ZNF385D: variants seen among roughly 807,000 people sequenced by gnomAD.
ZNF385D encodes the protein zinc finger protein 385D, also known as zinc finger protein 659.
ZNF385D carries 15 observed loss-of-function variants against 35.8 expected under a neutral mutation model. The observed-to-expected ratio is 0.42, with a 90% confidence interval of 0.28 to 0.64. The LOEUF is 0.64. ZNF385D is among the 30% of genes least tolerant of loss of function. The pLI is 0.23. For missense variants in ZNF385D, 474 were observed against 494.6 expected, an observed-to-expected ratio of 0.96 and a Z score of 0.39; for synonymous variants, 212 against 186.8, an observed-to-expected ratio of 1.13 and a Z score of -1.10.
intron 3 of ZNF385D, among the ~76,000 whole-genome samples, chr3:21,998,550 G>A (rs191755417): frequency 3.9e-5 from 6 of 152,262 alleles, no homozygotes; most frequent in African/African-American, 1.2e-4. Context: ...GGAATTTCTT[G>A]TTGCAGATAT....
intron 3 of ZNF385D, among the ~76,000 whole-genome samples, chr3:21,965,188 T>G (rs1299328145): frequency 1.3e-5 from 2 of 152,212 alleles, no homozygotes; most frequent in Admixed American, 1.3e-4. Flanking sequence ...TGGTGATTAA[T>G]AGACTCTGAC....
intron 3 of ZNF385D, among the ~76,000 whole-genome samples, chr3:21,764,902 T>C (rs1191761234): frequency 6.6e-6 from 1 of 152,136 alleles, no homozygotes; most frequent in African/African-American, 2.4e-5. Context: ...TGTCCACTTC[T>C]CTCCTGCCTA....
At chr3:21,874,331 A>G (rs957487237) in intron 3 of ZNF385D, among the ~76,000 whole-genome samples, 1 of 151,966 alleles carries the variant, frequency 6.6e-6, no homozygotes, top group Non-Finnish European at 1.5e-5. Context: ...TCCTTTGCCC[A>G]TTTCTTAACC....
intron 3 of ZNF385D, among the ~76,000 whole-genome samples, chr3:22,140,640 C>A (rs1159328829): frequency 3.3e-5 from 5 of 152,094 alleles, no homozygotes; most frequent in Non-Finnish European, 7.4e-5. Flanking sequence ...GTTAACATTA[C>A]CTTTGGGGAA....
intron 3 of ZNF385D, among the ~76,000 whole-genome samples, chr3:21,949,559 T>C (rs1323963469): frequency 4.1e-5 from 5 of 123,416 alleles, no homozygotes; most frequent in East Asian, 2.3e-4. Flanking sequence ...TCTTTCTTTT[T>C]TTTTTTTTTT....
chr3:22,316,094 T>C (rs1703871131), intron 2 of ZNF385D, among the ~76,000 whole-genome samples: 2 of 152,194 alleles, frequency 1.3e-5, no homozygotes, highest in Non-Finnish European at 2.9e-5. Context: ...CCTGCATCTG[T>C]GACTCATAAC....
intron 4 of ZNF385D, among the ~76,000 whole-genome samples, chr3:21,488,475 A>C (rs1014718008): frequency 2.6e-5 from 4 of 152,098 alleles, no homozygotes; most frequent in Non-Finnish European, 4.4e-5. Flanking sequence ...AGGTGCCCAA[A>C]AGCATGCCAG....
intron 2 of ZNF385D, among the ~76,000 whole-genome samples, chr3:22,218,079 T>C (rs1490140924): frequency 6.6e-6 from 1 of 152,160 alleles, no homozygotes; most frequent in Non-Finnish European, 1.5e-5. Context: ...TGACTTATCT[T>C]GGTTATTTTA....
At chr3:22,120,161 A>ATGG (rs1703016386) in intron 3 of ZNF385D, among the ~76,000 whole-genome samples, 1 of 151,942 alleles carries the variant, frequency 6.6e-6, no homozygotes. Context: ...GACTTAATGA[A>ATGG]GGTAGAGTGC....
At chr3:22,027,246 T>C (rs1475251048) in intron 3 of ZNF385D, among the ~76,000 whole-genome samples, 1 of 152,186 alleles carries the variant, frequency 6.6e-6, no homozygotes, top group Non-Finnish European at 1.5e-5. Context: ...AGGCAACACA[T>C]TCCTCATTTG....
intron 2 of ZNF385D, among the ~76,000 whole-genome samples, chr3:21,643,914 T>C (rs1346075726): frequency 2.0e-5 from 3 of 152,158 alleles, no homozygotes; most frequent in African/African-American, 7.2e-5. Context: ...TAGCAACTTA[T>C]GTGGCTGGAC....
intron 3 of ZNF385D, among the ~76,000 whole-genome samples, chr3:21,844,346 C>T (rs1695867237): frequency 6.6e-6 from 1 of 150,660 alleles, no homozygotes; most frequent in Non-Finnish European, 1.5e-5. Flanking sequence ...GGATCACTGG[C>T]TTTATTCTAG....
chr3:22,239,609 T>G (rs1482062950), intron 2 of ZNF385D, among the ~76,000 whole-genome samples: 1 of 151,158 alleles, frequency 6.6e-6, no homozygotes, highest in African/African-American at 2.5e-5. Context: ...GTTTTACCCT[T>G]TGATTTCATC....
chr3:21,731,976 A>G (rs1398194999), intron 1 of ZNF385D, among the ~76,000 whole-genome samples: 3 of 144,198 alleles, frequency 2.1e-5, no homozygotes, highest in Non-Finnish European at 4.5e-5. Flanking sequence ...GTTGCTTCCA[A>G]GTTTTGGCAC....
At chr3:22,003,160 C>T (rs1041484145) in intron 3 of ZNF385D, among the ~76,000 whole-genome samples, 2 of 152,086 alleles carry the variant, frequency 1.3e-5, no homozygotes, top group African/African-American at 2.4e-5. Flanking sequence ...CATAATATTA[C>T]ATATTAAAAA....
intron 3 of ZNF385D, among the ~76,000 whole-genome samples, chr3:22,016,518 T>A (rs933279103): frequency 6.6e-6 from 1 of 152,122 alleles, no homozygotes; most frequent in Non-Finnish European, 1.5e-5. Flanking sequence ...TCTGATTTTC[T>A]TTTGTCACTG....
rs577365827 is a variant in ZNF385D, at chr3:22,244,307, A to G, written c.107-75272T>C. On this transcript the variant is annotated intron_variant, in intron 2 of 5. Transcript: ENST00000494108. ...GTGTTACTCTTTGGAGAGTTTTAAG[A>G]TAAACTCTCTCGCTCTTACTTAGCT... Among the ~76,000 whole-genome samples the G allele has an allele frequency of 6.2e-5, 9 of 144,648 alleles. 1 individual carries two copies. The South Asian group carries it at 1.4e-3, about 23-fold the overall frequency. 94.9% of individuals were successfully genotyped at this position (144,648 alleles called of 152,430 possible).
At chr3:22,160,813 A>G (rs1258968029) in intron 3 of ZNF385D, among the ~76,000 whole-genome samples, 1 of 152,166 alleles carries the variant, frequency 6.6e-6, no homozygotes, top group Non-Finnish European at 1.5e-5. Context: ...TGACAAAGAT[A>G]GTGTGAATAA....
At chr3:22,062,612 T>G (rs370417233) in intron 3 of ZNF385D, among the ~76,000 whole-genome samples, 1 of 152,200 alleles carries the variant, frequency 6.6e-6, no homozygotes, top group South Asian at 2.1e-4. Context: ...ACCCACAAAT[T>G]CTGACCCCCT....
Sources: gnomAD v4.1 joint callset for allele counts (sites outside exome capture counted in the v4.1 genomes callset) on GRCh38, gnomAD v4.1.1 for gene constraint, MANE v1.5 for transcripts, NCBI Gene and HGNC (gene_info 2026-07-23, HGNC 2026-07-21) for gene names.